Variants in SLC5A2 observed in about 807,000 individuals in gnomAD.
SLC5A2 encodes the protein solute carrier family 5 member 2.
In SLC5A2, 67 loss-of-function variants were observed where a neutral mutation model predicts 69.0. That is an observed-to-expected ratio of 0.97 (90% confidence interval 0.80 to 1.19). SLC5A2 has a LOEUF of 1.19. Ranked by LOEUF, SLC5A2 falls within the 50% of genes most tolerant of loss-of-function variation. SLC5A2 has a pLI of 0.00. For missense variants in SLC5A2, 1,001 were observed against 921.5 expected, an observed-to-expected ratio of 1.09 and a Z score of -1.12; for synonymous variants, 455 against 395.8, an observed-to-expected ratio of 1.15 and a Z score of -1.78.
intron 12 of SLC5A2, chr16:31,489,733 G>C: frequency 4.5e-6 from 2 of 445,516 alleles, no homozygotes; most frequent in Non-Finnish European, 8.4e-6. Flanking sequence ...AAGAGATCTG[G>C]GTGTGGAAGG....
At chr16:31,485,921 G>A (rs754451087) in intron 4 of SLC5A2, 28 bp downstream of exon 4, 1 of 1,612,610 alleles carries the variant, frequency 6.2e-7, no homozygotes, top group South Asian at 1.1e-5. Flanking sequence ...ATGCGATTGG[G>A]CCCTAGAAGG....
Position 31,488,377 on chromosome 16 carries a change from T to C in SLC5A2, c.1022-6T>C, listed in dbSNP as rs1443705604. 6.2e-7 allele frequency: 1 copy of C among 1,611,058 alleles called. No individual in the cohort carries two copies. Among genetic ancestry groups the C allele is most frequent in the Admixed American group, 1.7e-5 (1 of 59,914 alleles). ...TCCTAACGGCGCGGTGGCCTCTCTC[T>C]GGCAGACGAGGTGGCGTGCGTGGTG... is the stretch of plus-strand genomic sequence containing the variant. On this transcript the variant is annotated splice_region_variant and splice_polypyrimidine_tract_variant and intron_variant, in intron 8 of 13. Transcript: ENST00000330498.
intron 6 of SLC5A2, 23 bp from the exon 7 acceptor site, chr16:31,487,507 C>A (rs2082506006): frequency 1.9e-6 from 3 of 1,612,696 alleles, no homozygotes; most frequent in Non-Finnish European, 2.5e-6. Context: ...TAAGGAGGGT[C>A]CCCTGACGGC....
chr16:31,489,076 G>C (rs527597943), intron 11 of SLC5A2, 28 bp downstream of exon 11: 3 of 1,603,052 alleles, frequency 1.9e-6, no homozygotes, highest in African/African-American at 2.7e-5. Flanking sequence ...GGTGACGGCA[G>C]GGCTGGGCTT....
At position 31,489,029 on chromosome 16, in the gene SLC5A2, T is replaced by C; in HGVS notation, c.1430T>C (p.Val477Ala). Residue 477 changes from valine (V) to alanine (A), a missense_variant, in exon 11 of 14, where the codon GTG becomes GCG. By Grantham distance (64) the Val-to-Ala change is moderately conservative. Coordinates refer to ENST00000330498, the MANE Select transcript of SLC5A2 (RefSeq NM_003041.4). Reference protein sequence around the residue: ...VSAVFVLALFVPRVNEQGAFW... With the variant: ...VSAVFVLALFAPRVNEQGAFW... ...GCCGTCTTCGTGCTGGCGCTCTTCGTGCCGCGCGTTAATGAGCAGGTGAGC... is the reference window on the plus strand; with the variant it reads ...GCCGTCTTCGTGCTGGCGCTCTTCGCGCCGCGCGTTAATGAGCAGGTGAGC... 6.2e-7 allele frequency: 1 copy of C among 1,600,832 alleles called. No homozygotes were observed. Among genetic ancestry groups the C allele is most frequent in the South Asian group, 1.1e-5 (1 of 91,082 alleles).
Position 31,487,566 on chromosome 16 carries a change from A to G in SLC5A2, c.692A>G (p.Asp231Gly). 2 of 1,613,910 alleles carry G rather than the reference A, an allele frequency of 1.2e-6. No homozygotes were observed. Among genetic ancestry groups the G allele is most frequent in the Non-Finnish European group, 1.7e-6 (2 of 1,179,982 alleles). Residue 231 changes from aspartate to glycine, a missense_variant, in exon 7 of 14, where the codon GAC becomes GGC. Coordinates refer to ENST00000330498, the MANE Select transcript of SLC5A2 (RefSeq NM_003041.4). ...GTGGGCGGGTATTCGGGTCTCTTCG[A>G]CAAATACCTGGGAGCAGCGACTTCG... The part of the protein sequence containing the change: ...HEVGGYSGLF[D>G]KYLGAATSLT...
chr16:31,485,057 G>T, intron 3 of SLC5A2, 134 bp downstream of exon 3: 3 of 837,020 alleles, frequency 3.6e-6, no homozygotes, highest in Non-Finnish European at 5.9e-6. Context: ...GACTGGGCTG[G>T]GAGTGGAGGT....
chr16:31,487,998 G>C (rs771993973), intron 7 of SLC5A2, 40 bp from the exon 8 acceptor site: 4 of 1,607,610 alleles, frequency 2.5e-6, no homozygotes, highest in African/African-American at 2.7e-5. Flanking sequence ...CGGGGCCGAG[G>C]GGAGGCCCGC....
chr16:31,490,442 C>T lies in SLC5A2; in HGVS notation c.1926C>T (p.Asp642=), dbSNP rs557690622. 2.3e-4 allele frequency: 367 copies of T among 1,613,932 alleles called. 3 individuals carry two copies. The South Asian group carries it at 4.0e-3, about 17-fold the overall frequency. The change falls in exon 14 of 14, where the codon GAC becomes GAT. Residue 642 remains aspartate, a synonymous_variant. Coordinates refer to ENST00000330498, the MANE Select transcript of SLC5A2 (RefSeq NM_003041.4). The stretch of plus-strand genomic sequence containing the variant: ...CGGCAGCAGCCAGGCGGCTGGAGGA[C>T]ATCAGCGAGGACCCGAGCTGGGCCC... ...EAAAAARRLE[D]ISEDPSWARV... is the part of the protein sequence containing the mutation.
At chr16:31,490,043 C>T (rs982206127) in intron 12 of SLC5A2, 61 bp from the exon 13 acceptor site, 4 of 1,609,244 alleles carry the variant, frequency 2.5e-6, no homozygotes, top group Non-Finnish European at 2.5e-6. Flanking sequence ...GTGCAAGAGA[C>T]TTTAGGGCCA....
At position 31,490,234 on chromosome 16, in the gene SLC5A2, G is replaced by C. The variant is rs764251134; in HGVS notation, c.1792+4G>C. 5.6e-6 allele frequency: 9 copies of C among 1,614,016 alleles called. No individual in the cohort carries two copies. The Admixed American group carries it at 1.3e-4, about 24-fold the overall frequency. ...GAGAGTGCCATGGAGATGAATGGTA[G>C]GGCACCATGCTGGGAGGTGGGGCTG... On this transcript the variant is annotated splice_donor_region_variant and intron_variant, in intron 13 of 13. Coordinates refer to ENST00000330498, the MANE Select transcript of SLC5A2 (RefSeq NM_003041.4).
At chr16:31,483,436 C>T (rs1010117147) in intron 1 of SLC5A2, among the ~76,000 whole-genome samples, 174 bp downstream of exon 1, 2 of 152,204 alleles carry the variant, frequency 1.3e-5, no homozygotes, top group African/African-American at 2.4e-5. Context: ...ACATTCCTCC[C>T]TTGTCTTCCC....
rs1390932653 is a variant in SLC5A2 at position 31,488,917 on chromosome 16, T to C, written c.1318T>C (p.Trp440Arg). Reference sequence around the variant, plus strand: ...GTTCATCGTGGTAGTGTCGGTGGCCTGGCTTCCCGTGGTGCAGGCGGCACA... The same window carrying C: ...GTTCATCGTGGTAGTGTCGGTGGCCCGGCTTCCCGTGGTGCAGGCGGCACA... ...VVFIVVVSVA[W>R]LPVVQAAQGG... Residue 440 changes from tryptophan to arginine, a missense_variant, in exon 11 of 14, where the codon TGG becomes CGG. Transcript: ENST00000330498. 5 of 1,605,094 alleles carry C rather than the reference T, an allele frequency of 3.1e-6. No homozygotes were observed. The highest frequency in any genetic ancestry group is 1.7e-5 in the Admixed American group (1 of 60,028).
chr16:31,485,326 C>T (rs1173587008), intron 3 of SLC5A2: 10 of 442,112 alleles, frequency 2.3e-5, no homozygotes, highest in Non-Finnish European at 3.3e-5. Flanking sequence ...GGGACTGAGG[C>T]TCCTGTTGGA....
At chr16:31,489,889 A>C in intron 12 of SLC5A2, 1 of 611,508 alleles carries the variant, frequency 1.6e-6, no homozygotes, top group South Asian at 1.8e-5. Flanking sequence ...GAGCAAGGCC[A>C]ACGGCTTTAA....
rs752749534 is a variant in SLC5A2, at chr16:31,488,409, G to A, written c.1048G>A (p.Val350Met). The stretch of plus-strand genomic sequence containing the variant: ...CGAGGTGGCGTGCGTGGTGCCTGAG[G>A]TGTGCAGGCGCGTGTGCGGCACGGA... ...PDEVACVVPEVCRRVCGTEVG... is the reference protein window; with the variant it reads ...PDEVACVVPEMCRRVCGTEVG... Residue 350 changes from valine (V) to methionine (M), a missense_variant, in exon 9 of 14, where the codon GTG becomes ATG. Transcript: ENST00000330498. 3.7e-6 allele frequency: 6 copies of A among 1,611,684 alleles called. No individual in the cohort carries two copies. The highest frequency in any genetic ancestry group is 3.3e-5 in the Admixed American group (2 of 59,922).
At chr16:31,489,731 T>TG in intron 12 of SLC5A2, 1 of 445,148 alleles carries the variant, frequency 2.2e-6, no homozygotes, top group Non-Finnish European at 4.2e-6. Context: ...ACAAGAGATC[T>TG]GGGTGTGGAA....
Position 31,487,372 on chromosome 16 carries a change from G to A in SLC5A2, c.627G>A (p.Leu209=), listed in dbSNP as rs752971008. Residue 209 remains leucine, a synonymous_variant, in exon 6 of 14, where the codon CTG becomes CTA. Coordinates refer to ENST00000330498, the MANE Select transcript of SLC5A2 (RefSeq NM_003041.4). ...YTDTVQTFVI[L]GGACILMGYA... ...ACACGGTACAGACCTTCGTCATTCTGGGGGGCGCCTGCATCCTCATGGGTT... is the reference window on the plus strand; with the variant it reads ...ACACGGTACAGACCTTCGTCATTCTAGGGGGCGCCTGCATCCTCATGGGTT... 1 of 1,613,872 alleles carries A rather than the reference G, an allele frequency of 6.2e-7. No individual in the cohort carries two copies. Among genetic ancestry groups the A allele is most frequent in the East Asian group, 2.2e-5 (1 of 44,864 alleles).
intron 10 of SLC5A2, 39 bp downstream of exon 10, chr16:31,488,811 C>G (rs1184840189): frequency 6.2e-6 from 10 of 1,600,842 alleles, no homozygotes; most frequent in Admixed American, 1.7e-5. Context: ...CGGATCAGCC[C>G]GGGGCGGGGG....
Sources: gnomAD v4.1 joint callset for allele counts (sites outside exome capture counted in the v4.1 genomes callset) on GRCh38, gnomAD v4.1.1 for gene constraint, MANE v1.5 for transcripts, NCBI Gene and HGNC (gene_info 2026-07-23, HGNC 2026-07-21) for gene names.